Variants in SVOPL observed in about 807,000 individuals in gnomAD.
The protein encoded by SVOPL is SVOP like.
A neutral mutation model predicts 61.0 loss-of-function variants in SVOPL; 60 were observed. That is an observed-to-expected ratio of 0.98 (90% confidence interval 0.80 to 1.22). The LOEUF (loss-of-function observed/expected upper bound fraction) is 1.22, where lower values mean the gene tolerates loss of function less well. Among genes scored for constraint, SVOPL ranks in the 50% most tolerant of loss-of-function variants. The pLI is 0.00. For missense variants in SVOPL, 662 were observed against 643.9 expected (o/e 1.03, Z -0.30); for synonymous variants, 279 against 250.0 (o/e 1.12, Z -1.09).
At chr7:138,643,746 G>A (rs1032256026) in intron 9 of SVOPL, among the ~76,000 whole-genome samples, 2 of 151,700 alleles carry the variant, frequency 1.3e-5, no homozygotes, top group Non-Finnish European at 2.9e-5. Context: ...GGTTTTTAGA[G>A]GGTGGGGGAG....
intron 1 of SVOPL, among the ~76,000 whole-genome samples, chr7:138,681,534 A>G (rs188502962): frequency 2.7e-4 from 41 of 152,182 alleles, no homozygotes; most frequent in Admixed American, 9.2e-4. Flanking sequence ...TACAAAATTA[A>G]AACTGAGGGC....
intron 1 of SVOPL, among the ~76,000 whole-genome samples, chr7:138,682,271 A>T (rs1021266804): frequency 6.6e-6 from 1 of 152,168 alleles, no homozygotes; most frequent in African/African-American, 2.4e-5. Context: ...TATGACTGAT[A>T]ACACCTGAAC....
intron 2 of SVOPL, 69 bp downstream of exon 2, chr7:138,678,892 TGCA>T: frequency 1.4e-6 from 2 of 1,461,996 alleles, no homozygotes; most frequent in Admixed American, 2.1e-5. Context: ...CTCACCTTTT[TGCA>T]TTTAACCTTA....
intron 14 of SVOPL, among the ~76,000 whole-genome samples, chr7:138,613,389 A>G (rs1480771961): frequency 1.3e-5 from 2 of 152,080 alleles, no homozygotes; most frequent in African/African-American, 4.8e-5. Flanking sequence ...AGTTTTCCCC[A>G]CTGCTCCTAA....
At chr7:138,630,814 A>G (rs932149212) in intron 9 of SVOPL, among the ~76,000 whole-genome samples, 1 of 152,100 alleles carries the variant, frequency 6.6e-6, no homozygotes, top group Non-Finnish European at 1.5e-5. Context: ...ATGGTGGAGC[A>G]TGCCTGTAAT....
At chr7:138,597,228 G>T in intron 14 of SVOPL, 1 of 1,288,730 alleles carries the variant, frequency 7.8e-7, no homozygotes, top group African/African-American at 1.5e-5. Flanking sequence ...AGTATGAAGT[G>T]GTTAACCAAC....
At chr7:138,664,789 CAGCTCTTCCTCCTCCGCCA>C in intron 4 of SVOPL, among the ~76,000 whole-genome samples, 1 of 140,552 alleles carries the variant, frequency 7.1e-6, no homozygotes, top group Admixed American at 7.1e-5. Flanking sequence ...TGCTCACCCC[CAGCTCTTCCTCCTCCGCCA>C]CCCCGGCGCT....
In SVOPL at chr7:138,630,033, A is replaced by C. The variant is rs987037458; in HGVS notation, c.863+16T>G. The C allele has an allele frequency of 1.2e-6, 2 of 1,607,920 alleles. No homozygotes were observed. Among genetic ancestry groups the C allele is most frequent in the Non-Finnish European group, 1.7e-6 (2 of 1,174,742 alleles). Reference sequence around the variant, plus strand: ...GCCTCTATTTAAAACTAGCTTTGAAATCATTACACTCTTACCATATGACCC... The same window carrying C: ...GCCTCTATTTAAAACTAGCTTTGAACTCATTACACTCTTACCATATGACCC... On this transcript the variant is annotated intron_variant, in intron 10 of 15. Coordinates refer to ENST00000674285, the MANE Select transcript of SVOPL (RefSeq NM_001139456.2).
intron 9 of SVOPL, among the ~76,000 whole-genome samples, chr7:138,643,687 G>C (rs948721923): frequency 6.6e-6 from 1 of 151,044 alleles, no homozygotes; most frequent in Non-Finnish European, 1.5e-5. Context: ...GATTCTACGT[G>C]TGAGGGATCT....
chr7:138,668,601 C>G (rs1298789444), intron 4 of SVOPL, among the ~76,000 whole-genome samples: 3 of 152,172 alleles, frequency 2.0e-5, no homozygotes, highest in Admixed American at 2.0e-4. Flanking sequence ...CAGAAAGAAA[C>G]ACAACTGGGC....
At chr7:138,624,778 G>GC (rs1390666085) in intron 13 of SVOPL, among the ~76,000 whole-genome samples, 1 of 151,062 alleles carries the variant, frequency 6.6e-6, no homozygotes, top group African/African-American at 2.4e-5. Flanking sequence ...ACTCACTGCA[G>GC]CCTCCAACTC....
At chr7:138,639,415 T>C (rs1800666740) in intron 9 of SVOPL, among the ~76,000 whole-genome samples, 1 of 151,522 alleles carries the variant, frequency 6.6e-6, no homozygotes, top group Non-Finnish European at 1.5e-5. Context: ...CCACATGAGG[T>C]CAGGAGTTCA....
chr7:138,663,862 A>G (rs1479699700), intron 4 of SVOPL, among the ~76,000 whole-genome samples: 2 of 152,116 alleles, frequency 1.3e-5, no homozygotes, highest in Non-Finnish European at 2.9e-5. Flanking sequence ...GGGGAAAACA[A>G]AACAAACCAG....
chr7:138,600,649 G>A lies in SVOPL; in HGVS notation c.1354-4119C>T, dbSNP rs538549101. Among the ~76,000 whole-genome samples, 84 of 151,944 alleles carry A rather than the reference G, an allele frequency of 5.5e-4. 1 individual carries two copies. Among genetic ancestry groups the A allele is most frequent in the Middle Eastern group, 3.4e-3 (1 of 294 alleles). On this transcript the variant is annotated intron_variant, in intron 14 of 15. Coordinates refer to ENST00000674285, the MANE Select transcript of SVOPL (RefSeq NM_001139456.2). Reference sequence around the variant, plus strand: ...CCTTTTGGTGATGATGAAAAGAAACGGATGCTTGTTTAACAATGTGTTTAT... The same window carrying A: ...CCTTTTGGTGATGATGAAAAGAAACAGATGCTTGTTTAACAATGTGTTTAT...
intron 7 of SVOPL, 28 bp from the exon 8 acceptor site, chr7:138,649,165 G>A: frequency 6.4e-7 from 1 of 1,557,354 alleles, no homozygotes; most frequent in South Asian, 1.2e-5. Flanking sequence ...CAGGATTAAA[G>A]TTCTTTGGGG....
intron 3 of SVOPL, among the ~76,000 whole-genome samples, chr7:138,675,895 G>C (rs1490321185): frequency 1.3e-5 from 2 of 152,136 alleles, no homozygotes; most frequent in Non-Finnish European, 2.9e-5. Context: ...CTGGAGTGCA[G>C]TGACGCAATC....
intron 13 of SVOPL, among the ~76,000 whole-genome samples, chr7:138,621,909 TC>T (rs1203498343): frequency 7.8e-6 from 1 of 127,556 alleles, no homozygotes; most frequent in African/African-American, 2.9e-5. Context: ...TATCTATGTA[TC>T]TATCTATGTA....
rs1177834148 is a variant in SVOPL, at chr7:138,628,112, T to C, written c.1069+46A>G. The C allele has an allele frequency of 3.1e-6, 5 of 1,608,526 alleles. No homozygotes were observed. In the East Asian group the frequency reaches 8.9e-5, roughly 29 times the overall value. On this transcript the variant is annotated intron_variant, in intron 11 of 15. Transcript: ENST00000674285. ...CTCTCAGCTAAGACTCAAGTGCACA[T>C]AGACCACCCAAGACAGAGAGACCCA...
chr7:138,678,564 A>C, intron 2 of SVOPL, 39 bp from the exon 3 acceptor site: 2 of 1,544,802 alleles, frequency 1.3e-6, no homozygotes, highest in Non-Finnish European at 1.8e-6. Flanking sequence ...TTGCTTCTGC[A>C]GGGAAGGGAA....
Sources: allele counts gnomAD v4.1 joint callset (sites outside exome capture counted in the v4.1 genomes callset), GRCh38; gene constraint gnomAD v4.1.1; transcripts MANE v1.5; gene names NCBI Gene and HGNC (gene_info 2026-07-23, HGNC 2026-07-21).